ETS1: variants seen among roughly 807,000 people sequenced by gnomAD.
ETS1 encodes ETS proto-oncogene 1, transcription factor.
In ETS1, 15 loss-of-function variants were observed where a neutral mutation model predicts 58.6. The ratio of observed to expected loss-of-function variants is 0.26; its 90% CI spans 0.17 to 0.39. The LOEUF (loss-of-function observed/expected upper bound fraction) is 0.39, where lower values mean the gene tolerates loss of function less well. ETS1 is among the 10% of genes least tolerant of loss of function. ETS1 has a pLI of 1.00. For missense variants in ETS1, 417 were observed against 610.5 expected, an observed-to-expected ratio of 0.68 and a Z score of 3.34; for synonymous variants, 214 against 218.2, an observed-to-expected ratio of 0.98 and a Z score of 0.17.
chr11:128,531,986 C>A (rs1281978848), intron 3 of ETS1, among the ~76,000 whole-genome samples: 1 of 152,170 alleles, frequency 6.6e-6, no homozygotes, highest in Non-Finnish European at 1.5e-5. Context: ...TCGGCTGTCT[C>A]TTTTCCTGCC....
chr11:128,502,025 G>T (rs1239241882), intron 3 of ETS1, among the ~76,000 whole-genome samples: 3 of 152,094 alleles, frequency 2.0e-5, no homozygotes, highest in African/African-American at 7.2e-5. Context: ...GAGAGAGAGA[G>T]AAAGAGAGCT....
chr11:128,546,332 C>T (rs1482520779), intron 3 of ETS1, among the ~76,000 whole-genome samples: 4 of 152,310 alleles, frequency 2.6e-5, no homozygotes, highest in South Asian at 2.1e-4. Context: ...AGGCAGTGCA[C>T]TGAAAGAGTC....
Position 128,564,719 on chromosome 11 carries a change from G to GT in ETS1, c.70-8285dup, listed in dbSNP as rs552550540. 6.6e-5 allele frequency among the ~76,000 whole-genome samples: 10 copies of GT among 152,228 alleles called. No individual in the cohort carries two copies. In the South Asian group the frequency reaches 2.1e-3, roughly 32 times the overall value. ...AAGCTTCTAGATCTGCAGGTTTCAA[G>GT]TTGCCCCTCGCTTAGCATGAAGCCT... is the stretch of plus-strand genomic sequence containing the variant. On this transcript the variant is annotated intron_variant, in intron 2 of 9. Coordinates refer to ENST00000392668, the MANE Select transcript of ETS1 (RefSeq NM_001143820.2).
intron 3 of ETS1, chr11:128,526,411 T>A (rs1190481139): frequency 6.4e-6 from 1 of 156,236 alleles, no homozygotes; most frequent in African/African-American, 2.4e-5. Flanking sequence ...AATGATTAAA[T>A]GAGATAATGT....
intron 2 of ETS1, among the ~76,000 whole-genome samples, chr11:128,567,709 T>C (rs1864533409): frequency 6.6e-6 from 1 of 152,126 alleles, no homozygotes; most frequent in African/African-American, 2.4e-5. Flanking sequence ...CTTGCCTCAC[T>C]GCAACCTCTG....
At chr11:128,467,937 C>G (rs982991679) in intron 8 of ETS1, among the ~76,000 whole-genome samples, 2 of 152,164 alleles carry the variant, frequency 1.3e-5, no homozygotes, top group African/African-American at 2.4e-5. Context: ...CTCCACACCC[C>G]CTGCTGTCTG....
At chr11:128,550,785 T>C (rs1032886491) in intron 3 of ETS1, among the ~76,000 whole-genome samples, 1 of 152,254 alleles carries the variant, frequency 6.6e-6, no homozygotes, top group African/African-American at 2.4e-5. Flanking sequence ...GTTTGGACTT[T>C]ATTTAAAGAC....
intron 7 of ETS1, among the ~76,000 whole-genome samples, chr11:128,483,112 C>T (rs10893876): frequency 0.22 from 34,070 of 152,036 alleles, 4,295 homozygotes; most frequent in Admixed American, 0.37. Context: ...AGAAAACAGC[C>T]CTGCACAAAA....
chr11:128,549,131 GGT>G lies in ETS1; in HGVS notation c.214+7158_214+7159del, dbSNP rs1864185598. Among the ~76,000 whole-genome samples the G allele has an allele frequency of 6.6e-6, 1 of 152,280 alleles. No homozygotes were observed. Among genetic ancestry groups the G allele is most frequent in the South Asian group, 2.1e-4 (1 of 4,832 alleles). On this transcript the variant is annotated intron_variant, in intron 3 of 9. Transcript: ENST00000392668. The surrounding 1 kb of genome is among the most constrained non-coding windows in gnomAD (Gnocchi z 4.3). ...AAGCAACTTATTAATGAGGGAGCTG[GGT>G]CTCCTGCCTCGGCAGCTATAAACAC...
At chr11:128,566,199 C>T (rs902021920) in intron 2 of ETS1, among the ~76,000 whole-genome samples, 1 of 152,164 alleles carries the variant, frequency 6.6e-6, no homozygotes, top group Non-Finnish European at 1.5e-5. Context: ...ACCCCAGTAG[C>T]CCCATCTTCT....
chr11:128,497,562 T>G lies in ETS1; in HGVS notation c.215-6986A>C, dbSNP rs992231166. ...TATTACCACTGAAGTCCTGAGGATT[T>G]GGTGACTCACCAGGCTCACACATGG... On this transcript the variant is annotated intron_variant, in intron 3 of 9. Coordinates refer to ENST00000392668, the MANE Select transcript of ETS1 (RefSeq NM_001143820.2). The G allele has an allele frequency of 1.5e-5, 15 of 983,684 alleles. No individual in the cohort carries two copies. In the African/African-American group the frequency reaches 2.6e-4, roughly 17 times the overall value. The allele number at this position is 983,684 out of a possible 1,614,324, so 60.9% of individuals were successfully genotyped here. A position where few individuals can be genotyped will look rare whatever the true frequency, so the allele number is the denominator to read the frequency against.
At chr11:128,524,871 T>G (rs1193141610) in intron 3 of ETS1, among the ~76,000 whole-genome samples, 2 of 152,130 alleles carry the variant, frequency 1.3e-5, no homozygotes, top group African/African-American at 4.8e-5. Flanking sequence ...CCCTTTTCCC[T>G]TCATAGTAGA....
In ETS1 at chr11:128,466,268, C is replaced by T. The variant is rs557330489; in HGVS notation, c.1124-2641G>A. On this transcript the variant is annotated intron_variant, in intron 8 of 9. Coordinates refer to ENST00000392668, the MANE Select transcript of ETS1 (RefSeq NM_001143820.2). Reference sequence around the variant, plus strand: ...TGTTCACCTTTGAACCTCTCTCCCACTATCTGAAAATCTCTTTGGGGCACG... The same window carrying T: ...TGTTCACCTTTGAACCTCTCTCCCATTATCTGAAAATCTCTTTGGGGCACG... Among the ~76,000 whole-genome samples the T allele has an allele frequency of 2.0e-5, 3 of 152,340 alleles. No individual in the cohort carries two copies. In the South Asian group the frequency reaches 6.2e-4, roughly 32 times the overall value.
intron 3 of ETS1, among the ~76,000 whole-genome samples, chr11:128,544,293 G>C (rs1267561908): frequency 6.8e-6 from 1 of 147,434 alleles, no homozygotes; most frequent in Non-Finnish European, 1.5e-5. Context: ...TGTGAGATCA[G>C]AAAGGAATTT....
intron 3 of ETS1, among the ~76,000 whole-genome samples, chr11:128,496,684 A>G (rs1862950944): frequency 6.6e-6 from 1 of 152,208 alleles, no homozygotes. Flanking sequence ...TCAAAGAAAG[A>G]CAGTCTCTAT....
At chr11:128,521,427 C>T (rs1330761007) in intron 3 of ETS1, among the ~76,000 whole-genome samples, 2 of 152,278 alleles carry the variant, frequency 1.3e-5, no homozygotes, top group South Asian at 2.1e-4. Context: ...GTGACAGGGA[C>T]GCTTGGGGAG....
At chr11:128,495,586 G>C (rs1461507707) in intron 3 of ETS1, among the ~76,000 whole-genome samples, 1 of 152,180 alleles carries the variant, frequency 6.6e-6, no homozygotes, top group Non-Finnish European at 1.5e-5. Flanking sequence ...TATAACAGAA[G>C]TTTAATTTGT....
chr11:128,523,027 C>G (rs934229201), intron 3 of ETS1, among the ~76,000 whole-genome samples: 1 of 152,218 alleles, frequency 6.6e-6, no homozygotes. Context: ...TTCCAATTTA[C>G]CTCCAGCAGT....
intron 1 of ETS1, among the ~76,000 whole-genome samples, chr11:128,578,161 G>A (rs189965346): frequency 8.0e-4 from 122 of 152,220 alleles, no homozygotes; most frequent in African/African-American, 2.8e-3. Flanking sequence ...CTGGCAACCC[G>A]GCCAGGACCT....
Sources: allele counts gnomAD v4.1 joint callset (sites outside exome capture counted in the v4.1 genomes callset), GRCh38; gene constraint gnomAD v4.1.1; non-coding constraint Gnocchi (gnomAD v3.1); transcripts MANE v1.5; gene names NCBI Gene and HGNC (gene_info 2026-07-23, HGNC 2026-07-21).